The following MYO1H variants were observed in gnomAD, a reference collection of about 807,000 sequenced individuals.
MYO1H encodes the protein myosin IH.
Under a neutral mutation model 149.3 loss-of-function variants are expected in MYO1H, and 118 were observed. The observed-to-expected ratio is 0.79, with a 90% CI of 0.68 to 0.92. The LOEUF is 0.92. Among genes scored for constraint, MYO1H ranks in the 40% least tolerant of loss-of-function variants. The pLI, the probability that MYO1H is intolerant of heterozygous loss-of-function variation, is 0.00. For synonymous variants in MYO1H, 447 were observed against 465.2 expected (o/e 0.96, Z 0.50); for missense variants, 1,212 against 1,280.7 (o/e 0.95, Z 0.82).
chr12:109,380,348 AAATC>A (rs1241080553), intron 1 of MYO1H, among the ~76,000 whole-genome samples: 15 of 152,132 alleles, frequency 9.9e-5, no homozygotes, highest in Admixed American at 1.3e-4. Context: ...TTAAATTTAA[AAATC>A]AATCCGCTGA....
At position 109,399,015 on chromosome 12, in the gene MYO1H, G is replaced by A. The variant is rs555323148; in HGVS notation, c.570+1203G>A. On this transcript the variant is annotated intron_variant, in intron 5 of 31. Transcript: ENST00000310903. ...AGGAAAGGAAGGCAGAATTCTCAAGGGCTCATAATTCCAAGCGGTAAAATG... is the reference window on the plus strand; with the variant it reads ...AGGAAAGGAAGGCAGAATTCTCAAGAGCTCATAATTCCAAGCGGTAAAATG... 2.6e-5 allele frequency among the ~76,000 whole-genome samples: 4 copies of A among 152,122 alleles called. No homozygotes were observed. In the South Asian group the frequency reaches 8.3e-4, roughly 32 times the overall value.
chr12:109,442,154 A>C lies in MYO1H; in HGVS notation c.2633-63A>C. 3 of 1,416,664 alleles carry C rather than the reference A, an allele frequency of 2.1e-6. No individual in the cohort carries two copies. In the South Asian group the frequency reaches 3.5e-5, roughly 16 times the overall value. The allele number at this position is 1,416,664 out of a possible 1,614,324, so 87.8% of individuals were successfully genotyped here. A position where few individuals can be genotyped will look rare whatever the true frequency, so the allele number is the denominator to read the frequency against. On this transcript the variant is annotated intron_variant, in intron 26 of 31. Transcript: ENST00000310903. ...ATGCATAACAAAACTAGCAGATACC[A>C]ATGACTTTTCCACAGGATTGGTACT...
the MYO1H span, among the ~76,000 whole-genome samples, chr12:109,320,455 CAAAAAAAAA>C: frequency 7.9e-5 from 5 of 63,326 alleles, no homozygotes; most frequent in Non-Finnish European, 1.1e-4. Flanking sequence ...ATTAAAAATA[CAAAAAAAAA>C]AAAAAAAAAA....
In MYO1H at chr12:109,443,008, AAATAT is replaced by A. The variant is rs752166804; in HGVS notation, c.2689-504_2689-500del. Among the ~76,000 whole-genome samples the A allele has an allele frequency of 3.5e-3, 231 of 66,920 alleles. 6 individuals are homozygous for A. The highest frequency in any genetic ancestry group is 4.4e-3 in the Non-Finnish European group (156 of 35,506). 43.9% of individuals were successfully genotyped at this position (66,920 alleles called of 152,430 possible). A position where few individuals can be genotyped will look rare whatever the true frequency, so the allele number is the denominator to read the frequency against. ...ATGCAGAGAGCCAGGAAAAAAAAAA[AAATAT>A]ATATATATATATATATGTGTGTGTG... On this transcript the variant is annotated intron_variant, in intron 27 of 31. Coordinates refer to ENST00000310903, the Ensembl canonical transcript of MYO1H.
rs538304798 is a variant in MYO1H at position 109,405,530 on chromosome 12, G to A, written c.850-392G>A. ...TTCACCATGTTGGCCAGATGGTCTCGATCTCTTGACTTCGGGTGATCTGCC... is the reference window on the plus strand; with the variant it reads ...TTCACCATGTTGGCCAGATGGTCTCAATCTCTTGACTTCGGGTGATCTGCC... On this transcript the variant is annotated intron_variant, in intron 7 of 31. Transcript: ENST00000310903. Among the ~76,000 whole-genome samples the A allele has an allele frequency of 8.5e-5, 13 of 152,218 alleles. No homozygotes were observed. In the East Asian group the frequency reaches 1.5e-3, roughly 18 times the overall value.
rs146003134 is a variant in MYO1H at position 109,443,082 on chromosome 12, G to GTATA, written c.2689-429_2689-428insATAT. On this transcript the variant is annotated intron_variant, in intron 27 of 31. Transcript: ENST00000310903. The stretch of plus-strand genomic sequence containing the variant: ...TACGTATGTGTGTATATATGTGTAC[G>GTATA]TATGTGTGTATATATGTGTACGTAT... 1.1e-3 allele frequency among the ~76,000 whole-genome samples: 57 copies of GTATA among 49,658 alleles called. 3 individuals are homozygous for GTATA. The highest frequency in any genetic ancestry group is 3.3e-3 in the African/African-American group (26 of 7,844). The allele number at this position is 49,658 out of a possible 152,430, so 32.6% of individuals were successfully genotyped here. A position where few individuals can be genotyped will look rare whatever the true frequency, so the allele number is the denominator to read the frequency against.
the MYO1H span, among the ~76,000 whole-genome samples, chr12:109,327,794 T>G: frequency 6.7e-6 from 1 of 149,556 alleles, no homozygotes; most frequent in Non-Finnish European, 1.5e-5. Context: ...TTCTGCCTGA[T>G]GTGGTGTCTC....
At chr12:109,371,203 T>A (rs1252703288) in intron 1 of MYO1H, among the ~76,000 whole-genome samples, 1 of 147,012 alleles carries the variant, frequency 6.8e-6, no homozygotes, top group Non-Finnish European at 1.5e-5. Flanking sequence ...TGGTTTTCTT[T>A]TTTTTCTTTC....
At chr12:109,375,113 C>T (rs961505178) in intron 1 of MYO1H, among the ~76,000 whole-genome samples, 1 of 150,980 alleles carries the variant, frequency 6.6e-6, no homozygotes, top group Non-Finnish European at 1.5e-5. Flanking sequence ...CCTTGGCCTC[C>T]CAAAGTGCTG....
intron 6 of MYO1H, among the ~76,000 whole-genome samples, chr12:109,402,953 C>A (rs1437023420): frequency 2.0e-5 from 3 of 152,222 alleles, no homozygotes; most frequent in South Asian, 2.1e-4. Context: ...TCAACTAGAT[C>A]TTTATACATC....
chr12:109,381,501 G>A lies in MYO1H; in HGVS notation c.13-7182G>A, dbSNP rs1460241713. ...CACTGGCCAAATTTGGGATAAATTG[G>A]GCATCAATAAGGTTAACTGTTGGCT... is the stretch of plus-strand genomic sequence containing the variant. On this transcript the variant is annotated intron_variant, in intron 1 of 31. Coordinates refer to ENST00000310903, the Ensembl canonical transcript of MYO1H. Among the ~76,000 whole-genome samples the A allele has an allele frequency of 2.0e-5, 3 of 152,134 alleles. No individual in the cohort carries two copies. In the East Asian group the frequency reaches 5.8e-4, roughly 29 times the overall value.
At chr12:109,314,236 T>A in the MYO1H span, among the ~76,000 whole-genome samples, 465 of 141,096 alleles carry the variant, frequency 3.3e-3, 2 homozygotes, top group African/African-American at 0.011. Flanking sequence ...TTAAGCTTTT[T>A]AAAAAAAAAA....
intron 27 of MYO1H, 80 bp from the exon 28 acceptor site, chr12:109,443,434 A>G (rs1592824225): frequency 2.6e-6 from 4 of 1,517,258 alleles, no homozygotes; most frequent in East Asian, 4.6e-5. Flanking sequence ...AATGCTTGAC[A>G]TCACTTTACC....
intron 4 of MYO1H, among the ~76,000 whole-genome samples, chr12:109,397,454 G>T (rs574934955): frequency 6.6e-6 from 1 of 152,114 alleles, no homozygotes; most frequent in Non-Finnish European, 1.5e-5. Context: ...CATGGGGCTA[G>T]GGTTCTATGT....
chr12:109,443,140 A>G lies in MYO1H; in HGVS notation c.2689-374A>G, dbSNP rs1172259946. Among the ~76,000 whole-genome samples the G allele has an allele frequency of 1.8e-4, 24 of 135,844 alleles. 5 individuals are homozygous for G. Among genetic ancestry groups the G allele is most frequent in the Admixed American group, 1.1e-3 (16 of 13,914 alleles). 89.1% of individuals were successfully genotyped at this position (135,844 alleles called of 152,430 possible). On this transcript the variant is annotated intron_variant, in intron 27 of 31. Transcript: ENST00000310903. ...TATATGTGTACGTATATATGTGTGT[A>G]TATGTGTACGTATGTGTGTGTATAT...
chr12:109,375,467 A>G (rs1164028781), intron 1 of MYO1H, among the ~76,000 whole-genome samples: 1 of 152,156 alleles, frequency 6.6e-6, no homozygotes, highest in Non-Finnish European at 1.5e-5. Flanking sequence ...ATTCAATTTT[A>G]TATAAAATGC....
chr12:109,393,354 G>A, exon 3 of MYO1H: 1 of 1,581,922 alleles, frequency 6.3e-7, no homozygotes, highest in East Asian at 2.3e-5. Flanking sequence ...CCCTCCTTGT[G>A]TCTGTGAATC....
intron 1 of MYO1H, among the ~76,000 whole-genome samples, chr12:109,379,596 A>G (rs1165234007): frequency 1.3e-5 from 2 of 152,196 alleles, no homozygotes; most frequent in Non-Finnish European, 2.9e-5. Flanking sequence ...AACAACTCCC[A>G]AATGAGCTCC....
intron 1 of MYO1H, among the ~76,000 whole-genome samples, chr12:109,360,849 T>C (rs1566018317): frequency 6.6e-6 from 1 of 152,242 alleles, no homozygotes; most frequent in Non-Finnish European, 1.5e-5. Flanking sequence ...CAGGATTCTA[T>C]GTTAGGGGAG....
Sources: gnomAD v4.1 joint callset for allele counts (sites outside exome capture counted in the v4.1 genomes callset) on GRCh38, gnomAD v4.1.1 for gene constraint, MANE v1.5 for transcripts, NCBI Gene and HGNC (gene_info 2026-07-23, HGNC 2026-07-21) for gene names.